FAM167A: variants seen among roughly 807,000 people sequenced by gnomAD.
FAM167A encodes the protein family with sequence similarity 167 member A.
In FAM167A, 23 loss-of-function variants were observed where a neutral mutation model predicts 14.9. That is an observed-to-expected ratio of 1.55 (90% confidence interval 1.11 to 2.19). The LOEUF is 2.19. Among genes scored for constraint, FAM167A ranks in the 30% most tolerant of loss-of-function variants. FAM167A has a pLI of 0.00. For synonymous variants in FAM167A, 174 were observed against 117.7 expected (o/e 1.48, Z -3.10); for missense variants, 401 against 281.5 (o/e 1.42, Z -3.04).
intron 1 of FAM167A, among the ~76,000 whole-genome samples, chr8:11,449,997 C>A (rs76658568): frequency 6.6e-6 from 1 of 152,254 alleles, no homozygotes; most frequent in African/African-American, 2.4e-5. Context: ...CACCTCCTCT[C>A]ACCACGCGCT....
At chr8:11,471,056 TG>T, upstream of FAM167A, among the ~76,000 whole-genome samples, 1 of 152,238 alleles carries the variant, frequency 6.6e-6, no homozygotes, top group Non-Finnish European at 1.5e-5. Context: ...CGTGGCTTTT[TG>T]GTAGGAAGAT....
chr8:11,445,232 C>CG (rs1563377539), intron 1 of FAM167A: 13 of 985,238 alleles, frequency 1.3e-5, no homozygotes, highest in South Asian at 4.7e-5. Flanking sequence ...TGGCAACAGC[C>CG]GGGGGGTCCC....
At chr8:11,438,353 C>T (rs968279479) in intron 2 of FAM167A, 11 of 438,762 alleles carry the variant, frequency 2.5e-5, no homozygotes, top group African/African-American at 1.4e-4. Flanking sequence ...GCTCTCACAT[C>T]AAACAGGAAT....
At position 11,424,135 on chromosome 8, in the gene FAM167A, G is replaced by C; in HGVS notation, c.*238C>G. On this transcript the variant is annotated 3_prime_UTR_variant, in exon 3 of 3. Transcript: ENST00000284486. ...CTCCTTTAACATCTTGGTTGGAGCG[G>C]CCCTTCTGCAGAGCTCTTTGGGTAG... 1 of 536,866 alleles carries C rather than the reference G, an allele frequency of 1.9e-6. No homozygotes were observed. The highest frequency in any genetic ancestry group is 3.1e-5 in the East Asian group (1 of 32,010). 33.3% of individuals were successfully genotyped at this position (536,866 alleles called of 1,614,324 possible). A position where few individuals can be genotyped will look rare whatever the true frequency, so the allele number is the denominator to read the frequency against.
intron 1 of FAM167A, among the ~76,000 whole-genome samples, chr8:11,453,589 G>A (rs760377284): frequency 3.6e-4 from 55 of 152,302 alleles, no homozygotes; most frequent in Non-Finnish European, 4.4e-4. Context: ...CTGTGGAGGT[G>A]GAGGGGAGGG....
intron 2 of FAM167A, among the ~76,000 whole-genome samples, chr8:11,432,632 A>C (rs1478872368): frequency 2.0e-5 from 3 of 152,230 alleles, no homozygotes; most frequent in Non-Finnish European, 2.9e-5. Context: ...AAATTAGTTC[A>C]ACCATTGTGG....
At chr8:11,469,908 AT>A (rs2117170739), upstream of FAM167A, among the ~76,000 whole-genome samples, 2 of 150,886 alleles carry the variant, frequency 1.3e-5, no homozygotes, top group Non-Finnish European at 2.9e-5. Context: ...AAATAAATAA[AT>A]AAATAAATAA....
At chr8:11,462,696 G>T (rs534021704) in intron 1 of FAM167A, among the ~76,000 whole-genome samples, 17 of 152,172 alleles carry the variant, frequency 1.1e-4, no homozygotes, top group Non-Finnish European at 2.4e-4. Context: ...GGGCTGTTCT[G>T]TGTGGTTTCA....
intron 2 of FAM167A, among the ~76,000 whole-genome samples, chr8:11,440,546 C>G (rs538392302): frequency 1.3e-5 from 2 of 152,320 alleles, no homozygotes; most frequent in South Asian, 2.1e-4. Flanking sequence ...CTTCCAGACC[C>G]AGCACTGCCT....
intron 2 of FAM167A, among the ~76,000 whole-genome samples, chr8:11,427,724 T>C (rs951281176): frequency 6.6e-6 from 1 of 152,200 alleles, no homozygotes; most frequent in East Asian, 1.9e-4. Flanking sequence ...ATAAGAAAAA[T>C]CAAGATAGAA....
intron 2 of FAM167A, among the ~76,000 whole-genome samples, chr8:11,426,341 C>A (rs1255076034): frequency 6.6e-6 from 1 of 152,176 alleles, no homozygotes; most frequent in Non-Finnish European, 1.5e-5. Flanking sequence ...AACTGGACCA[C>A]CTAGGGCGAG....
chr8:11,459,170 A>T (rs1431762084), intron 1 of FAM167A, among the ~76,000 whole-genome samples: 1 of 152,240 alleles, frequency 6.6e-6, no homozygotes, highest in Non-Finnish European at 1.5e-5. Context: ...TGTGCCAGGC[A>T]CTGTGCAATA....
intron 2 of FAM167A, among the ~76,000 whole-genome samples, chr8:11,440,641 G>A (rs946163262): frequency 2.0e-5 from 3 of 152,212 alleles, no homozygotes; most frequent in African/African-American, 7.2e-5. Flanking sequence ...GCCTTCTCCT[G>A]CAGTCAAAAC....
chr8:11,441,344 C>G (rs1444814506), intron 2 of FAM167A, among the ~76,000 whole-genome samples: 1 of 152,218 alleles, frequency 6.6e-6, no homozygotes, highest in Non-Finnish European at 1.5e-5. Flanking sequence ...AAGTGTGGCC[C>G]AGGGACTAAC....
intron 1 of FAM167A, chr8:11,445,085 T>C (rs1245309425): frequency 1.0e-6 from 1 of 971,228 alleles, no homozygotes; most frequent in Non-Finnish European, 1.2e-6. Context: ...TCTGCAGGGA[T>C]TTGTTTTTAT....
At chr8:11,441,581 G>A (rs1007886479) in intron 2 of FAM167A, among the ~76,000 whole-genome samples, 14 of 152,094 alleles carry the variant, frequency 9.2e-5, no homozygotes, top group East Asian at 5.8e-4. Flanking sequence ...AACCCTCTGC[G>A]TTGGGCCACC....
At chr8:11,468,892 C>T (rs917951688), upstream of FAM167A, among the ~76,000 whole-genome samples, 4 of 152,130 alleles carry the variant, frequency 2.6e-5, no homozygotes, top group African/African-American at 7.2e-5. Flanking sequence ...CATTTGTCTG[C>T]GGGCAGGAGG....
chr8:11,429,048 C>T (rs950211214), intron 2 of FAM167A, among the ~76,000 whole-genome samples: 17 of 151,964 alleles, frequency 1.1e-4, no homozygotes, highest in African/African-American at 3.6e-4. Flanking sequence ...CACGTTGTCG[C>T]GCAACCACCA....
At chr8:11,426,260 T>A (rs1295926489) in intron 2 of FAM167A, among the ~76,000 whole-genome samples, 1 of 152,206 alleles carries the variant, frequency 6.6e-6, no homozygotes, top group Non-Finnish European at 1.5e-5. Flanking sequence ...AACCAAGGTA[T>A]ACCTTCTGTG....
Sources: allele counts gnomAD v4.1 joint callset (sites outside exome capture counted in the v4.1 genomes callset), GRCh38; gene constraint gnomAD v4.1.1; transcripts MANE v1.5; gene names NCBI Gene and HGNC (gene_info 2026-07-23, HGNC 2026-07-21).